CRADD: variants seen among roughly 807,000 people sequenced by gnomAD.
CRADD encodes the protein death domain-containing protein CRADD.
CRADD carries 9 observed loss-of-function variants against 15.5 expected under a neutral mutation model. The observed-to-expected ratio is 0.58, with a 90% CI of 0.35 to 1.01. The LOEUF is 1.01. CRADD is among the 50% of genes least tolerant of loss of function. The pLI, the probability that CRADD is intolerant of heterozygous loss-of-function variation, is 0.02. For missense variants in CRADD, 227 were observed against 250.3 expected (o/e 0.91, Z 0.63); for synonymous variants, 118 against 107.6 (o/e 1.10, Z -0.60).
At position 93,824,668 on chromosome 12, in the gene CRADD, A is replaced by G. The variant is rs571938388; in HGVS notation, c.299-25302A>G. ...ATTATCCGAGCTGAAGCTGAAACCTAGCCTTCTGCCGAGTGGTATTCCTGA... is the reference window on the plus strand; with the variant it reads ...ATTATCCGAGCTGAAGCTGAAACCTGGCCTTCTGCCGAGTGGTATTCCTGA... On this transcript the variant is annotated intron_variant, in intron 2 of 2. Coordinates refer to ENST00000332896, the MANE Select transcript of CRADD (RefSeq NM_003805.5). The surrounding 1 kb of genome is among the most constrained non-coding windows in gnomAD (Gnocchi z 4.3). Among the ~76,000 whole-genome samples, 28 of 152,330 alleles carry G rather than the reference A, an allele frequency of 1.8e-4. 1 individual carries two copies. The highest frequency in any genetic ancestry group is 6.5e-4 in the African/African-American group (27 of 41,584).
chr12:93,849,861 T>C (rs1958188827), intron 2 of CRADD, 109 bp from the exon 3 acceptor site: 1 of 720,968 alleles, frequency 1.4e-6, no homozygotes, highest in Non-Finnish European at 2.5e-6. Context: ...GCCAATTGGC[T>C]CTGCCATTTG....
intron 2 of CRADD, chr12:93,790,636 C>T (rs896482809): frequency 6.6e-5 from 10 of 151,992 alleles, no homozygotes; most frequent in Non-Finnish European, 1.3e-4. Context: ...AAATCCTTTT[C>T]GTAGCGAGTC....
chr12:93,801,890 T>G (rs1027375224), intron 2 of CRADD, among the ~76,000 whole-genome samples: 1 of 152,192 alleles, frequency 6.6e-6, no homozygotes, highest in Non-Finnish European at 1.5e-5. Flanking sequence ...GTCCATTACA[T>G]CATTCTTCTG....
chr12:93,682,895 T>A (rs1955350069), intron 2 of CRADD, among the ~76,000 whole-genome samples: 1 of 152,296 alleles, frequency 6.6e-6, no homozygotes, highest in Admixed American at 6.5e-5. Context: ...GACTCTTACC[T>A]TTTAAAAGAG....
chr12:93,709,616 G>A (rs1956024773), intron 2 of CRADD, among the ~76,000 whole-genome samples: 1 of 152,222 alleles, frequency 6.6e-6, no homozygotes, highest in Admixed American at 6.5e-5. Context: ...TGGCTGTGTA[G>A]TATTCCATGG....
chr12:93,713,941 C>G (rs965160446), intron 2 of CRADD, among the ~76,000 whole-genome samples: 6 of 152,144 alleles, frequency 3.9e-5, no homozygotes, highest in African/African-American at 1.4e-4. Context: ...CTTGACACCT[C>G]TCTCAGGAGG....
intron 2 of CRADD, among the ~76,000 whole-genome samples, chr12:93,779,804 G>A (rs570284688): frequency 1.3e-4 from 20 of 152,116 alleles, no homozygotes; most frequent in Non-Finnish European, 2.2e-4. Context: ...GGCCAGGCTG[G>A]TCTCGAACTC....
At chr12:93,713,073 T>C (rs943966222) in intron 2 of CRADD, among the ~76,000 whole-genome samples, 2 of 152,086 alleles carry the variant, frequency 1.3e-5, no homozygotes, top group Admixed American at 6.6e-5. Context: ...CGTTTTTTTT[T>C]AAAGCCATTT....
intron 2 of CRADD, among the ~76,000 whole-genome samples, chr12:93,893,823 C>G (rs1392487673): frequency 6.6e-6 from 1 of 151,868 alleles, no homozygotes. Context: ...GGAGAATCAC[C>G]TGAACCTGGG....
intron 2 of CRADD, among the ~76,000 whole-genome samples, chr12:93,858,614 C>T (rs1958293894): frequency 6.6e-6 from 1 of 152,194 alleles, no homozygotes; most frequent in Non-Finnish European, 1.5e-5. Context: ...TTCTGCTGCC[C>T]GCTCTGTCTC....
At chr12:93,808,888 T>C (rs944855619) in intron 2 of CRADD, among the ~76,000 whole-genome samples, 1 of 151,644 alleles carries the variant, frequency 6.6e-6, no homozygotes, top group African/African-American at 2.4e-5. Context: ...TTCTTTTTAT[T>C]ATAAACATTT....
intron 2 of CRADD, among the ~76,000 whole-genome samples, chr12:93,679,803 C>T (rs926848267): frequency 2.0e-5 from 3 of 152,162 alleles, no homozygotes; most frequent in Admixed American, 6.5e-5. Flanking sequence ...GAGCTACCAG[C>T]TGGAAAAGGT....
intron 2 of CRADD, among the ~76,000 whole-genome samples, chr12:93,810,456 CA>C (rs1957610480): frequency 7.0e-6 from 1 of 142,864 alleles, no homozygotes; most frequent in Non-Finnish European, 1.5e-5. Context: ...GAGGCTGAGG[CA>C]GGAGAATCGC....
At chr12:93,866,247 C>T (rs1362715142) in intron 2 of CRADD, among the ~76,000 whole-genome samples, 3 of 152,032 alleles carry the variant, frequency 2.0e-5, no homozygotes, top group Non-Finnish European at 4.4e-5. Flanking sequence ...TTATCTCTTT[C>T]TATGACTCAT....
intron 2 of CRADD, among the ~76,000 whole-genome samples, chr12:93,834,344 TTTAG>T (rs1335885972): frequency 6.6e-6 from 1 of 152,192 alleles, no homozygotes; most frequent in African/African-American, 2.4e-5. Flanking sequence ...CCCTTTAGAT[TTTAG>T]TTAGTTACAT....
chr12:93,789,934 C>G (rs1957329764), intron 2 of CRADD, among the ~76,000 whole-genome samples: 1 of 152,104 alleles, frequency 6.6e-6, no homozygotes, highest in Admixed American at 6.6e-5. Flanking sequence ...TTTGGGTCCT[C>G]TTATCTAAAA....
At chr12:93,892,645 G>A (rs1958584395) in intron 2 of CRADD, among the ~76,000 whole-genome samples, 1 of 152,118 alleles carries the variant, frequency 6.6e-6, no homozygotes, top group African/African-American at 2.4e-5. Context: ...AGTGATGCCT[G>A]GCCTTGGAAG....
intron 2 of CRADD, among the ~76,000 whole-genome samples, chr12:93,826,346 C>T (rs1430255522): frequency 1.3e-5 from 2 of 152,140 alleles, no homozygotes; most frequent in East Asian, 1.9e-4. Context: ...ATAGCTGGCA[C>T]GATTCTTTTT....
chr12:93,680,221 T>A (rs1289343144), intron 2 of CRADD, among the ~76,000 whole-genome samples: 1 of 152,050 alleles, frequency 6.6e-6, no homozygotes, highest in African/African-American at 2.4e-5. Flanking sequence ...TAATTGAAAG[T>A]TGGCTTGCAA....
Sources: gnomAD v4.1 joint callset for allele counts (sites outside exome capture counted in the v4.1 genomes callset) on GRCh38, gnomAD v4.1.1 for gene constraint, Gnocchi (gnomAD v3.1) non-coding constraint, MANE v1.5 for transcripts, NCBI Gene and HGNC (gene_info 2026-07-23, HGNC 2026-07-21) for gene names.